Variants in SDK1 observed in about 807,000 individuals in gnomAD.
The protein encoded by SDK1 is sidekick cell adhesion molecule 1.
In SDK1, 157 loss-of-function variants were observed where a neutral mutation model predicts 245.5. The observed-to-expected ratio is 0.64, with a 90% CI of 0.56 to 0.73. The LOEUF (loss-of-function observed/expected upper bound fraction) is 0.73, where lower values mean the gene tolerates loss of function less well. SDK1 is among the 30% of genes least tolerant of loss of function. The probability of loss-of-function intolerance (pLI) is 0.00; values close to 1 mark genes in which losing one functional copy is unlikely to be tolerated. For missense variants in SDK1, 3,583 were observed against 3,002.3 expected, an observed-to-expected ratio of 1.19 and a Z score of -4.52; for synonymous variants, 1,647 against 1,278.5, an observed-to-expected ratio of 1.29 and a Z score of -6.15.
At chr7:3,440,144 C>T (rs960203917) in intron 1 of SDK1, among the ~76,000 whole-genome samples, 13 of 152,118 alleles carry the variant, frequency 8.5e-5, no homozygotes, top group Admixed American at 3.3e-4. Flanking sequence ...AATTGTGCAC[C>T]GTCCTGAGTA....
intron 13 of SDK1, 41 bp downstream of exon 13, chr7:3,974,586 T>A: frequency 6.3e-7 from 1 of 1,585,438 alleles, no homozygotes; most frequent in African/African-American, 1.3e-5. Context: ...TCCGCGGTTT[T>A]CTCCGTTACT....
Position 3,574,083 on chromosome 7 carries a change from C to G in SDK1, c.299-44997C>G, listed in dbSNP as rs968960946. Among the ~76,000 whole-genome samples, 6 of 151,880 alleles carry G rather than the reference C, an allele frequency of 4.0e-5. No homozygotes were observed. The South Asian group carries it at 1.0e-3, about 26-fold the overall frequency. On this transcript the variant is annotated intron_variant, in intron 1 of 44. Transcript: ENST00000404826. ...GGATAGACTTTGCCTCTGCAGCTAT[C>G]CTTCCTGATCAGACTAGACATATAC...
At chr7:3,480,084 C>G (rs566602871) in intron 1 of SDK1, among the ~76,000 whole-genome samples, 2 of 152,204 alleles carry the variant, frequency 1.3e-5, no homozygotes, top group African/African-American at 4.8e-5. Flanking sequence ...ATTAAGATAG[C>G]AGAAGGAATT....
intron 1 of SDK1, among the ~76,000 whole-genome samples, chr7:3,393,106 G>A (rs949447111): frequency 3.3e-5 from 5 of 151,602 alleles, no homozygotes; most frequent in African/African-American, 9.7e-5. Context: ...GAGTAGCTGA[G>A]ATTACAGGTG....
At chr7:4,262,077 T>C (rs1387633292) in intron 44 of SDK1, among the ~76,000 whole-genome samples, 12 of 122,316 alleles carry the variant, frequency 9.8e-5, no homozygotes, top group Admixed American at 7.7e-4. Flanking sequence ...TCACCCAGGC[T>C]GGAGTGCAGT....
chr7:3,516,765 C>A (rs547624599), intron 1 of SDK1, among the ~76,000 whole-genome samples: 245 of 152,264 alleles, frequency 1.6e-3, no homozygotes, highest in African/African-American at 4.1e-3. Context: ...TTGAAAGATA[C>A]TGAGTATTAG....
chr7:3,656,788 C>G (rs1046339516), intron 4 of SDK1, among the ~76,000 whole-genome samples: 3 of 150,696 alleles, frequency 2.0e-5, no homozygotes, highest in Admixed American at 2.0e-4. Context: ...TCGCCCAGGC[C>G]GGACTGCGGA....
At chr7:4,257,529 C>T (rs541053531) in intron 44 of SDK1, among the ~76,000 whole-genome samples, 1 of 152,308 alleles carries the variant, frequency 6.6e-6, no homozygotes, top group East Asian at 1.9e-4. Flanking sequence ...TAAGATTGTG[C>T]TTTCTCAAAG....
chr7:3,597,000 G>C (rs558556323), intron 1 of SDK1, among the ~76,000 whole-genome samples: 8 of 152,154 alleles, frequency 5.3e-5, no homozygotes, highest in Non-Finnish European at 8.8e-5. Flanking sequence ...GCTGAGCGAG[G>C]TGACTCACAC....
chr7:4,265,090 C>A, intron 44 of SDK1, 34 bp from the exon 45 acceptor site: 1 of 1,598,076 alleles, frequency 6.3e-7, no homozygotes, highest in South Asian at 1.1e-5. Context: ...TGCGCCCTGC[C>A]CTGCACTCAC....
chr7:3,519,277 G>A (rs766330556), intron 1 of SDK1, among the ~76,000 whole-genome samples: 170 of 152,002 alleles, frequency 1.1e-3, no homozygotes, highest in Non-Finnish European at 2.0e-3. Flanking sequence ...TATGTAGGAG[G>A]GTATTGACTG....
chr7:4,028,341 G>T (rs994849467), intron 17 of SDK1, among the ~76,000 whole-genome samples: 1 of 152,120 alleles, frequency 6.6e-6, no homozygotes, highest in African/African-American at 2.4e-5. Context: ...TTGTACCCAC[G>T]GAGGATCAGT....
At chr7:3,880,635 A>G (rs1781185915) in intron 5 of SDK1, among the ~76,000 whole-genome samples, 1 of 145,128 alleles carries the variant, frequency 6.9e-6, no homozygotes, top group Admixed American at 7.1e-5. Context: ...TAAATCCCAG[A>G]GGGCTGAGTG....
intron 30 of SDK1, among the ~76,000 whole-genome samples, chr7:4,149,830 G>T (rs1224595356): frequency 2.0e-5 from 3 of 152,158 alleles, no homozygotes; most frequent in African/African-American, 7.2e-5. Context: ...GAGGAGGGCT[G>T]GGCTGGCCTC....
intron 20 of SDK1, among the ~76,000 whole-genome samples, chr7:4,075,754 G>C (rs191785529): frequency 6.6e-6 from 1 of 151,528 alleles, no homozygotes; most frequent in Non-Finnish European, 1.5e-5. Context: ...TCCCAGGTTC[G>C]AGTGATTCTC....
At chr7:4,217,076 C>A in intron 38 of SDK1, among the ~76,000 whole-genome samples, 1 of 23,176 alleles carries the variant, frequency 4.3e-5, no homozygotes, top group African/African-American at 2.1e-4. Flanking sequence ...CACCAGGCCA[C>A]CCGGAGCACC....
At chr7:3,742,109 A>G (rs767808766) in intron 4 of SDK1, among the ~76,000 whole-genome samples, 1 of 150,722 alleles carries the variant, frequency 6.6e-6, no homozygotes, top group Non-Finnish European at 1.5e-5. Context: ...GTTTTCATAC[A>G]TCTGGTTGTA....
At chr7:3,503,664 C>G (rs1008327689) in intron 1 of SDK1, among the ~76,000 whole-genome samples, 24 of 150,748 alleles carry the variant, frequency 1.6e-4, no homozygotes, top group African/African-American at 5.4e-4. Context: ...GTGATAGAGC[C>G]AGACCTTCAT....
chr7:4,153,607 G>A (rs1780530865), intron 30 of SDK1, among the ~76,000 whole-genome samples: 1 of 152,144 alleles, frequency 6.6e-6, no homozygotes, highest in African/African-American at 2.4e-5. Flanking sequence ...AGAATCAGAT[G>A]AACTTGGCCA....
Sources: gnomAD v4.1 joint callset for allele counts (sites outside exome capture counted in the v4.1 genomes callset) on GRCh38, gnomAD v4.1.1 for gene constraint, MANE v1.5 for transcripts, NCBI Gene and HGNC (gene_info 2026-07-23, HGNC 2026-07-21) for gene names.